RNF141: variants seen among roughly 807,000 people sequenced by gnomAD.
The protein encoded by RNF141 is C3HC4-like zinc finger protein.
In RNF141, 18 loss-of-function variants were observed where a neutral mutation model predicts 27.4. The observed-to-expected ratio is 0.66, with a 90% CI of 0.45 to 0.97. The LOEUF (loss-of-function observed/expected upper bound fraction) is 0.97. RNF141 is among the 50% of genes least tolerant of loss of function. The probability of loss-of-function intolerance (pLI) is 0.00; values close to 1 mark genes in which losing one functional copy is unlikely to be tolerated. For missense variants in RNF141, 230 were observed against 279.4 expected (o/e 0.82, Z 1.26); for synonymous variants, 97 against 96.6 (o/e 1.00, Z -0.02).
intron 5 of RNF141, chr11:10,518,592 T>C (rs1993817): frequency 0.45 from 70,265 of 154,528 alleles, 17,354 homozygotes; most frequent in East Asian, 0.67. Context: ...ATGTAGTTTA[T>C]TGTATGTATT....
chr11:10,536,907 G>T (rs1008795257), intron 1 of RNF141, among the ~76,000 whole-genome samples: 4 of 152,136 alleles, frequency 2.6e-5, no homozygotes, highest in African/African-American at 9.7e-5. Context: ...AGGCCACACT[G>T]AAAAGTCTGT....
intron 4 of RNF141, among the ~76,000 whole-genome samples, chr11:10,524,734 G>A (rs939667056): frequency 3.3e-5 from 5 of 152,118 alleles, no homozygotes; most frequent in African/African-American, 1.2e-4. Flanking sequence ...CTAAGTATAT[G>A]CATTCGGTTC....
At chr11:10,530,559 C>T (rs1849976544) in intron 3 of RNF141, 84 bp downstream of exon 3, 1 of 630,178 alleles carries the variant, frequency 1.6e-6, no homozygotes, top group Non-Finnish European at 2.7e-6. Context: ...AATGTATATG[C>T]ATTATATTAT....
At chr11:10,536,844 AAGC>A (rs1850041536) in intron 1 of RNF141, among the ~76,000 whole-genome samples, 1 of 152,226 alleles carries the variant, frequency 6.6e-6, no homozygotes, top group African/African-American at 2.4e-5. Flanking sequence ...CTCTTGCTAG[AAGC>A]AGGTATCTTG....
intron 3 of RNF141, among the ~76,000 whole-genome samples, chr11:10,526,713 C>T (rs1019156108): frequency 6.7e-6 from 1 of 150,292 alleles, no homozygotes; most frequent in Non-Finnish European, 1.5e-5. Flanking sequence ...AACCAGGAGG[C>T]GGAGGTTGCA....
At chr11:10,521,293 G>A (rs1308634113) in intron 4 of RNF141, among the ~76,000 whole-genome samples, 1 of 152,186 alleles carries the variant, frequency 6.6e-6, no homozygotes, top group Non-Finnish European at 1.5e-5. Flanking sequence ...CTTAAATATT[G>A]CATATTGATT....
At chr11:10,521,224 C>T (rs1294638603) in intron 4 of RNF141, among the ~76,000 whole-genome samples, 8 of 152,180 alleles carry the variant, frequency 5.3e-5, no homozygotes, top group Non-Finnish European at 5.9e-5. Context: ...CTTGGTAACT[C>T]AGCTCAAAAC....
At chr11:10,524,491 G>A (rs1327163889) in intron 4 of RNF141, among the ~76,000 whole-genome samples, 11 of 152,156 alleles carry the variant, frequency 7.2e-5, no homozygotes. Context: ...TACCCAGTAT[G>A]ACAGTAAGAC....
Position 10,511,793 on chromosome 11 carries a change from T to C in RNF141, c.*3123A>G, listed in dbSNP as rs1032563955. 2.6e-5 allele frequency: 4 copies of C among 152,604 alleles called. No homozygotes were observed. Among genetic ancestry groups the C allele is most frequent in the African/African-American group, 9.7e-5 (4 of 41,444 alleles). The allele number at this position is 152,604 out of a possible 1,614,324, so 9.5% of individuals were successfully genotyped here. A position where few individuals can be genotyped will look rare whatever the true frequency, so the allele number is the denominator to read the frequency against. On this transcript the variant is annotated 3_prime_UTR_variant, in exon 6 of 6. Transcript: ENST00000265981. ...TTAGATATAAGGAAATCGAGTCCAA[T>C]TTGAAATGAATTTTAAAACAGCACA...
chr11:10,511,757 C>A lies in RNF141; in HGVS notation c.*3159G>T, dbSNP rs975381462. The A allele has an allele frequency of 6.6e-6, 1 of 152,342 alleles. No homozygotes were observed. Among genetic ancestry groups the A allele is most frequent in the Admixed American group, 6.5e-5 (1 of 15,268 alleles). The allele number at this position is 152,342 out of a possible 1,614,324, so 9.4% of individuals were successfully genotyped here. A position where few individuals can be genotyped will look rare whatever the true frequency, so the allele number is the denominator to read the frequency against. On this transcript the variant is annotated 3_prime_UTR_variant, in exon 6 of 6. Transcript: ENST00000265981. ...AGATATTTTCAAGCAGCCTTTTCTC[C>A]CAGATATATATTAGATATAAGGAAA...
At chr11:10,516,728 C>T (rs896912040) in intron 5 of RNF141, 1 of 152,346 alleles carries the variant, frequency 6.6e-6, no homozygotes, top group African/African-American at 2.4e-5. Context: ...ACCAGCCAGA[C>T]TGGAAAACCT....
At chr11:10,538,957 G>A (rs1276830420) in intron 1 of RNF141, among the ~76,000 whole-genome samples, 1 of 152,190 alleles carries the variant, frequency 6.6e-6, no homozygotes, top group African/African-American at 2.4e-5. Flanking sequence ...TTCTGGTCAA[G>A]ATTTCTCAAA....
Position 10,538,271 on chromosome 11 carries a change from G to C in RNF141, c.-48+2851C>G, listed in dbSNP as rs148713158. On this transcript the variant is annotated intron_variant, in intron 1 of 5. Coordinates refer to ENST00000265981, the MANE Select transcript of RNF141 (RefSeq NM_016422.4). ...AACAGTATCTAGAGACTACCTGAGA[G>C]AGCCTGCAGAAGTGGTTTTCAACCT... is the stretch of plus-strand genomic sequence containing the variant. Among the ~76,000 whole-genome samples, 504 of 152,308 alleles carry C rather than the reference G, an allele frequency of 3.3e-3. 4 individuals carry two copies. The highest frequency in any genetic ancestry group is 0.011 in the African/African-American group (450 of 41,548).
chr11:10,524,331 C>A (rs1269467102), intron 4 of RNF141, among the ~76,000 whole-genome samples: 1 of 152,006 alleles, frequency 6.6e-6, no homozygotes, highest in Non-Finnish European at 1.5e-5. Context: ...AGGAGAATGG[C>A]GTGAACCCGG....
chr11:10,519,261 C>A, intron 4 of RNF141, 120 bp from the exon 5 acceptor site: 2 of 656,592 alleles, frequency 3.0e-6, no homozygotes, highest in Non-Finnish European at 4.9e-6. Flanking sequence ...CACAATATGA[C>A]TCATGTGCAA....
At position 10,534,065 on chromosome 11, in the gene RNF141, AG is replaced by A. The variant is rs1246553240; in HGVS notation, c.93del (p.Ser32ProfsTer2). 1 of 1,613,654 alleles carries A rather than the reference AG, an allele frequency of 6.2e-7. No homozygotes were observed. The highest frequency in any genetic ancestry group is 1.1e-5 in the South Asian group (1 of 91,078). On this transcript the variant is annotated frameshift_variant, in exon 2 of 6. Coordinates refer to ENST00000265981, the MANE Select transcript of RNF141 (RefSeq NM_016422.4). LOFTEE classifies it high-confidence loss of function. The part of the protein sequence containing the change: ...AKHVTLVRES[G>X]SLTYEEFLGR... Reference sequence around the variant, plus strand: ...CCAAGAAATTCTTCATAAGTTAAGGAGCCACTCTCTCGAACCAACGTAACAT... The same window carrying A: ...CCAAGAAATTCTTCATAAGTTAAGGACCACTCTCTCGAACCAACGTAACAT...
Position 10,514,738 on chromosome 11 carries a change from C to A in RNF141, c.*178G>T. 1 of 540,542 alleles carries A rather than the reference C, an allele frequency of 1.9e-6. No homozygotes were observed. Among genetic ancestry groups the A allele is most frequent in the Non-Finnish European group, 3.0e-6 (1 of 330,800 alleles). 33.5% of individuals were successfully genotyped at this position (540,542 alleles called of 1,614,324 possible). A position where few individuals can be genotyped will look rare whatever the true frequency, so the allele number is the denominator to read the frequency against. On this transcript the variant is annotated 3_prime_UTR_variant, in exon 6 of 6. Transcript: ENST00000265981. The stretch of plus-strand genomic sequence containing the variant: ...AAAACAGTAGCAAATTTTAGTACCA[C>A]AAATGGAAGACATGGGAAGTTTATT...
At position 10,534,066 on chromosome 11, in the gene RNF141, G is replaced by C; in HGVS notation, c.93C>G (p.Gly31=). 1.2e-6 allele frequency: 2 copies of C among 1,613,532 alleles called. No homozygotes were observed. Among genetic ancestry groups the C allele is most frequent in the Non-Finnish European group, 1.7e-6 (2 of 1,179,582 alleles). The change falls in exon 2 of 6, where the codon GGC becomes GGG. Residue 31 remains glycine (G), a synonymous_variant. Transcript: ENST00000265981. ...AKHVTLVRES[G]SLTYEEFLGR... ...CAAGAAATTCTTCATAAGTTAAGGA[G>C]CCACTCTCTCGAACCAACGTAACAT... is the stretch of plus-strand genomic sequence containing the variant.
At chr11:10,524,739 C>T (rs972428409) in intron 4 of RNF141, among the ~76,000 whole-genome samples, 4 of 152,276 alleles carry the variant, frequency 2.6e-5, no homozygotes, top group Non-Finnish European at 4.4e-5. Flanking sequence ...TATATGCATT[C>T]GGTTCCTTCC....
Sources: allele counts gnomAD v4.1 joint callset (sites outside exome capture counted in the v4.1 genomes callset), GRCh38; gene constraint gnomAD v4.1.1; transcripts MANE v1.5; gene names NCBI Gene and HGNC (gene_info 2026-07-23, HGNC 2026-07-21).